The following MAP3K13 variants were observed in gnomAD, a reference collection of about 807,000 sequenced individuals.
MAP3K13 encodes the protein mitogen-activated protein kinase kinase kinase 13, also known as leucine zipper-bearing kinase.
MAP3K13 carries 52 observed loss-of-function variants against 104.0 expected under a neutral mutation model. The observed-to-expected ratio is 0.50, with a 90% CI of 0.40 to 0.63. The LOEUF is 0.63. Among genes scored for constraint, MAP3K13 ranks in the 20% least tolerant of loss-of-function variants. The pLI is 0.00. For synonymous variants in MAP3K13, 394 were observed against 442.2 expected (o/e 0.89, Z 1.37); for missense variants, 914 against 1,218.5 (o/e 0.75, Z 3.72).
At chr3:185,313,619 TTAAAGTATTAGGG>T (rs1721575056) in intron 2 of MAP3K13, among the ~76,000 whole-genome samples, 1 of 152,106 alleles carries the variant, frequency 6.6e-6, no homozygotes, top group Non-Finnish European at 1.5e-5. Context: ...AGAATAGTGA[TTAAAGTATTAGGG>T]AGGAGAATAT....
chr3:185,298,811 C>A (rs753616860), intron 2 of MAP3K13, among the ~76,000 whole-genome samples: 3 of 152,166 alleles, frequency 2.0e-5, no homozygotes, highest in Non-Finnish European at 2.9e-5. Context: ...ACAAAAAAAA[C>A]ATGTCTAGGC....
In MAP3K13 at chr3:185,484,708, T is replaced by C. The variant is rs1347198071; in HGVS notation, c.*2252T>C. 6.6e-6 allele frequency: 1 copy of C among 152,248 alleles called. No homozygotes were observed. The highest frequency in any genetic ancestry group is 2.4e-5 in the African/African-American group (1 of 41,468). 9.4% of individuals were successfully genotyped at this position (152,248 alleles called of 1,614,324 possible). On this transcript the variant is annotated 3_prime_UTR_variant, in exon 14 of 14. Transcript: ENST00000265026. ...AAAGAGCAGTATTGTTTGCATTAAT[T>C]TATTCCATTTTGTAAAAATTCTGTA...
At chr3:185,346,503 G>T (rs570246148) in intron 2 of MAP3K13, among the ~76,000 whole-genome samples, 2 of 152,136 alleles carry the variant, frequency 1.3e-5, no homozygotes, top group East Asian at 3.9e-4. Flanking sequence ...AACCTGTAAA[G>T]GTTTTAAGTG....
At chr3:185,304,151 C>T (rs1270474815) in intron 2 of MAP3K13, among the ~76,000 whole-genome samples, 1 of 152,134 alleles carries the variant, frequency 6.6e-6, no homozygotes, top group Non-Finnish European at 1.5e-5. Flanking sequence ...GTTGATTTCT[C>T]GTTTTGTTTC....
At chr3:185,285,555 C>T (rs894564674) in exon 2 of MAP3K13, 1 of 1,453,050 alleles carries the variant, frequency 6.9e-7, no homozygotes, top group Admixed American at 2.0e-5. Flanking sequence ...CTAAAATGGA[C>T]TTCATTTAAA....
At position 185,384,308 on chromosome 3, in the gene MAP3K13, C is replaced by CTGTGTGTGTGTGTGTGTG. The variant is rs142627913; in HGVS notation, c.-86+20953_-86+20970dup. Among the ~76,000 whole-genome samples, 116 of 147,562 alleles carry CTGTGTGTGTGTGTGTGTG rather than the reference C, an allele frequency of 7.9e-4. 1 individual carries two copies. The highest frequency in any genetic ancestry group is 6.0e-3 in the East Asian group (30 of 4,970). The stretch of plus-strand genomic sequence containing the variant: ...TTTTATGACTAAATAGTATTCCATT[C>CTGTGTGTGTGTGTGTGTG]TGTGTGTGTGTGTGTGTGTGTGTGT... On this transcript the variant is annotated intron_variant, in intron 1 of 13. Coordinates refer to ENST00000265026, the MANE Select transcript of MAP3K13 (RefSeq NM_004721.5).
chr3:185,385,702 C>A (rs921310561), intron 1 of MAP3K13, among the ~76,000 whole-genome samples: 1 of 152,062 alleles, frequency 6.6e-6, no homozygotes, highest in African/African-American at 2.4e-5. Context: ...TCCAACAAAA[C>A]ATCAAAAAGT....
At position 185,463,546 on chromosome 3, in the gene MAP3K13, C is replaced by G; in HGVS notation, c.1279-4C>G. 1 of 1,542,246 alleles carries G rather than the reference C, an allele frequency of 6.5e-7. No individual in the cohort carries two copies. Among genetic ancestry groups the G allele is most frequent in the Non-Finnish European group, 9.0e-7 (1 of 1,116,310 alleles). On this transcript the variant is annotated splice_region_variant and splice_polypyrimidine_tract_variant and intron_variant, in intron 7 of 13. Coordinates refer to ENST00000265026, the MANE Select transcript of MAP3K13 (RefSeq NM_004721.5). ...TTATCAAAATCTAATTTGTCCTTAC[C>G]CAGGCTGAATGGAGAGAAGAAGTGA...
chr3:185,461,386 T>C (rs1249116407), intron 7 of MAP3K13, among the ~76,000 whole-genome samples: 1 of 152,164 alleles, frequency 6.6e-6, no homozygotes, highest in African/African-American at 2.4e-5. Context: ...TGATCATTTT[T>C]TGCATGATTA....
At chr3:185,463,745 T>G in intron 8 of MAP3K13, 86 bp downstream of exon 8, 1 of 751,486 alleles carries the variant, frequency 1.3e-6, no homozygotes, top group Non-Finnish European at 2.4e-6. Context: ...ACCATTTCAC[T>G]TTCCACACAC....
intron 3 of MAP3K13, among the ~76,000 whole-genome samples, chr3:185,438,747 C>G (rs1331633719): frequency 6.6e-6 from 1 of 152,198 alleles, no homozygotes; most frequent in African/African-American, 2.4e-5. Context: ...CTCTCCCTCA[C>G]TAGCCTTTTA....
At chr3:185,330,261 G>A (rs10937212) in intron 2 of MAP3K13, among the ~76,000 whole-genome samples, 71,122 of 151,508 alleles carry the variant, frequency 0.47, 18,366 homozygotes, top group Middle Eastern at 0.65. Context: ...TTATATAGAC[G>A]TTCACTGGGT....
At chr3:185,424,885 C>T (rs972586500) in intron 1 of MAP3K13, among the ~76,000 whole-genome samples, 3 of 152,118 alleles carry the variant, frequency 2.0e-5, no homozygotes, top group African/African-American at 4.8e-5. Context: ...AGTACAGTGG[C>T]ACAAACACAG....
At chr3:185,301,284 C>A (rs1232881519) in intron 2 of MAP3K13, among the ~76,000 whole-genome samples, 1 of 150,604 alleles carries the variant, frequency 6.6e-6, no homozygotes, top group African/African-American at 2.4e-5. Flanking sequence ...GGAGAAATGT[C>A]TGTCAAGTTC....
chr3:185,391,202 C>G (rs9827334), intron 1 of MAP3K13, among the ~76,000 whole-genome samples: 2 of 152,160 alleles, frequency 1.3e-5, no homozygotes, highest in Non-Finnish European at 2.9e-5. Context: ...ACTGATACTC[C>G]GTACCCATTA....
At position 185,437,475 on chromosome 3, in the gene MAP3K13, C is replaced by G; in HGVS notation, c.504C>G (p.Ile168Met). 6.2e-7 allele frequency: 1 copy of G among 1,613,786 alleles called. No homozygotes were observed. The highest frequency in any genetic ancestry group is 8.5e-7 in the Non-Finnish European group (1 of 1,179,916). The stretch of plus-strand genomic sequence containing the variant: ...CTTGGGAAGTGCCATTTGAGGAGAT[C>G]TCAGAGCTGCAGTGGCTGGGTAGTG... ...QDTWEVPFEE[I>M]SELQWLGSGA... The change falls in exon 3 of 14, where the codon ATC (isoleucine) becomes ATG (methionine). Residue 168 changes from isoleucine (I) to methionine (M), a missense_variant. Ile to Met is a conservative substitution (Grantham distance 10). Transcript: ENST00000265026.
chr3:185,344,200 T>C (rs773005983), intron 2 of MAP3K13, among the ~76,000 whole-genome samples: 3 of 152,184 alleles, frequency 2.0e-5, no homozygotes, highest in African/African-American at 4.8e-5. Flanking sequence ...GGAAGAGGCA[T>C]AGAGGCACAT....
At chr3:185,431,979 T>TA (rs976892265) in intron 2 of MAP3K13, among the ~76,000 whole-genome samples, 1 of 152,098 alleles carries the variant, frequency 6.6e-6, no homozygotes, top group Non-Finnish European at 1.5e-5. Context: ...CTTTCATACA[T>TA]ACTCCGACAC....
chr3:185,376,770 G>T (rs1201717152), intron 1 of MAP3K13, among the ~76,000 whole-genome samples: 1 of 152,062 alleles, frequency 6.6e-6, no homozygotes, highest in Non-Finnish European at 1.5e-5. Context: ...AAGGGGTTGG[G>T]GTTTGGGAGA....
Sources: allele counts gnomAD v4.1 joint callset (sites outside exome capture counted in the v4.1 genomes callset), GRCh38; gene constraint gnomAD v4.1.1; transcripts MANE v1.5; gene names NCBI Gene and HGNC (gene_info 2026-07-23, HGNC 2026-07-21).